Variants in PRKAR1B observed in about 807,000 individuals in gnomAD.
PRKAR1B encodes the protein cAMP-dependent protein kinase type I-beta regulatory subunit.
Under a neutral mutation model 46.5 loss-of-function variants are expected in PRKAR1B, and 22 were observed. The observed-to-expected ratio is 0.47, with a 90% CI of 0.34 to 0.68. PRKAR1B has a LOEUF of 0.68. Ranked by LOEUF, PRKAR1B falls within the 30% of genes least tolerant of loss-of-function variation. PRKAR1B has a pLI of 0.01. For missense variants in PRKAR1B, 445 were observed against 535.6 expected, an observed-to-expected ratio of 0.83 and a Z score of 1.67; for synonymous variants, 259 against 217.7, an observed-to-expected ratio of 1.19 and a Z score of -1.67.
intron 1 of PRKAR1B, among the ~76,000 whole-genome samples, chr7:726,139 G>C (rs1455298838): frequency 6.6e-6 from 1 of 152,102 alleles, no homozygotes; most frequent in Non-Finnish European, 1.5e-5. Flanking sequence ...CAATTCCCCT[G>C]TCTTGATAAA....
At chr7:562,897 C>T (rs915220084) in intron 9 of PRKAR1B, among the ~76,000 whole-genome samples, 1 of 152,206 alleles carries the variant, frequency 6.6e-6, no homozygotes, top group African/African-American at 2.4e-5. Context: ...GATGCCCTGA[C>T]CCTCGCCCGC....
chr7:711,825 T>C (rs1780648877), intron 1 of PRKAR1B, among the ~76,000 whole-genome samples: 1 of 151,382 alleles, frequency 6.6e-6, no homozygotes, highest in African/African-American at 2.4e-5. Flanking sequence ...GTTCTGAGGA[T>C]TCCGGGTGGG....
intron 4 of PRKAR1B, among the ~76,000 whole-genome samples, chr7:639,680 T>C (rs1003832783): frequency 6.6e-6 from 1 of 151,888 alleles, no homozygotes; most frequent in Non-Finnish European, 1.5e-5. Flanking sequence ...TGGGACCCCA[T>C]CTCTACAAAA....
intron 1 of PRKAR1B, among the ~76,000 whole-genome samples, chr7:723,665 C>A (rs1364581324): frequency 6.6e-6 from 1 of 152,220 alleles, no homozygotes; most frequent in Non-Finnish European, 1.5e-5. Flanking sequence ...TCAACGGAAG[C>A]CAAAGGGGTC....
At chr7:606,765 T>TGC (rs1174261871) in intron 5 of PRKAR1B, among the ~76,000 whole-genome samples, 1 of 101,120 alleles carries the variant, frequency 9.9e-6, no homozygotes, top group Admixed American at 1.1e-4. Context: ...GAGAATTTTA[T>TGC]GCGTGTGTGT....
intron 6 of PRKAR1B, 130 bp downstream of exon 6, chr7:606,063 G>T: frequency 1.2e-6 from 1 of 820,204 alleles, no homozygotes; most frequent in African/African-American, 1.7e-5. Context: ...TTGCATTTCT[G>T]GATTAAAACA....
chr7:589,169 G>C (rs1780839815), intron 7 of PRKAR1B, among the ~76,000 whole-genome samples: 1 of 151,502 alleles, frequency 6.6e-6, no homozygotes, highest in Admixed American at 6.6e-5. Context: ...CCTTGGACTA[G>C]TCTTGTCCCC....
chr7:570,287 G>C (rs1043094561), intron 9 of PRKAR1B, among the ~76,000 whole-genome samples: 2 of 152,350 alleles, frequency 1.3e-5, no homozygotes, highest in Middle Eastern at 3.4e-3. Context: ...ATTTGGTTCT[G>C]AGCACTTCTC....
At chr7:711,244 C>A in intron 2 of PRKAR1B, 85 bp downstream of exon 2, 2 of 1,541,492 alleles carry the variant, frequency 1.3e-6, no homozygotes, top group East Asian at 2.3e-5. Context: ...TCGAGGACCA[C>A]GGGACAGAGG....
In PRKAR1B at chr7:550,067, G is replaced by A; in HGVS notation, c.*363C>T. 2 of 236,510 alleles carry A rather than the reference G, an allele frequency of 8.5e-6. No individual in the cohort carries two copies. The highest frequency in any genetic ancestry group is 1.7e-5 in the Non-Finnish European group (2 of 120,416). The allele number at this position is 236,510 out of a possible 1,614,324, so 14.7% of individuals were successfully genotyped here. A position where few individuals can be genotyped will look rare whatever the true frequency, so the allele number is the denominator to read the frequency against. On this transcript the variant is annotated 3_prime_UTR_variant, in exon 11 of 11. Coordinates refer to ENST00000537384, the MANE Select transcript of PRKAR1B (RefSeq NM_001164760.2). The stretch of plus-strand genomic sequence containing the variant: ...CCTCACAGGGTCACCAGGCCCCAGG[G>A]GCAACGTCCTGGCCTGGTTCTGGGG...
chr7:555,238 T>A (rs964159268), intron 9 of PRKAR1B, among the ~76,000 whole-genome samples: 4 of 152,166 alleles, frequency 2.6e-5, no homozygotes, highest in African/African-American at 9.7e-5. Context: ...AGGATTGGGA[T>A]TCTGCCGGCA....
intron 4 of PRKAR1B, among the ~76,000 whole-genome samples, chr7:643,510 G>GT (rs910457393): frequency 6.6e-6 from 1 of 151,366 alleles, no homozygotes; most frequent in African/African-American, 2.5e-5. Flanking sequence ...ATCACCAGAG[G>GT]TTGGGAGTTC....
At chr7:584,220 G>A (rs925441440) in intron 8 of PRKAR1B, among the ~76,000 whole-genome samples, 1 of 152,202 alleles carries the variant, frequency 6.6e-6, no homozygotes, top group African/African-American at 2.4e-5. Flanking sequence ...GGCTCTGACA[G>A]CAAAGGGAGA....
chr7:691,496 C>T (rs1245554409), intron 2 of PRKAR1B: 2 of 1,304,388 alleles, frequency 1.5e-6, no homozygotes, highest in Non-Finnish European at 2.0e-6. Flanking sequence ...CAGCGCACCA[C>T]AGCCATCCAG....
At chr7:660,467 C>G (rs1785452555) in intron 4 of PRKAR1B, among the ~76,000 whole-genome samples, 1 of 140,932 alleles carries the variant, frequency 7.1e-6, no homozygotes. Flanking sequence ...AATACCTACT[C>G]TGCCCCCAAT....
intron 4 of PRKAR1B, among the ~76,000 whole-genome samples, chr7:612,699 A>G (rs1782592071): frequency 6.6e-6 from 1 of 152,252 alleles, no homozygotes; most frequent in Non-Finnish European, 1.5e-5. Context: ...AACAAATATC[A>G]AAAGCTGCTG....
At chr7:676,462 G>A (rs991775959) in intron 4 of PRKAR1B, among the ~76,000 whole-genome samples, 6 of 152,142 alleles carry the variant, frequency 3.9e-5, no homozygotes, top group East Asian at 1.9e-4. Flanking sequence ...GCTTAGCAAC[G>A]GCAAGGTATA....
intron 4 of PRKAR1B, among the ~76,000 whole-genome samples, chr7:657,266 CGGATGGATGGATGGAT>C (rs34846168): frequency 3.0e-5 from 3 of 98,736 alleles, no homozygotes; most frequent in Admixed American, 3.0e-4. Context: ...AATGGACGGA[CGGATGGATGGATGGAT>C]GGATGGATGG....
In PRKAR1B at chr7:602,491, G is replaced by C. The variant is rs544368563; in HGVS notation, c.549+3702C>G. 5.9e-6 allele frequency: 1 copy of C among 169,164 alleles called. No individual in the cohort carries two copies. Among genetic ancestry groups the C allele is most frequent in the Non-Finnish European group, 1.5e-5 (1 of 68,278 alleles). The allele number at this position is 169,164 out of a possible 1,614,324, so 10.5% of individuals were successfully genotyped here. On this transcript the variant is annotated intron_variant, in intron 6 of 10. Transcript: ENST00000537384. The surrounding 1 kb of genome is among the most constrained non-coding windows in gnomAD (Gnocchi z 6.4). ...GGCTCCCGGGAGCCTGGAGGCCAAC[G>C]GCGGAAAGACAGGGACCTGATCCCT...
Sources: gnomAD v4.1 joint callset for allele counts (sites outside exome capture counted in the v4.1 genomes callset) on GRCh38, gnomAD v4.1.1 for gene constraint, Gnocchi (gnomAD v3.1) non-coding constraint, MANE v1.5 for transcripts, NCBI Gene and HGNC (gene_info 2026-07-23, HGNC 2026-07-21) for gene names.